GALNT10: variants seen among roughly 807,000 people sequenced by gnomAD.
GALNT10 encodes the protein polypeptide N-acetylgalactosaminyltransferase 10.
Under a neutral mutation model 75.0 loss-of-function variants are expected in GALNT10, and 41 were observed. That is an observed-to-expected ratio of 0.55 (90% CI 0.43 to 0.71). The LOEUF (loss-of-function observed/expected upper bound fraction) is 0.71, where lower values mean the gene tolerates loss of function less well. GALNT10 is among the 30% of genes least tolerant of loss of function. GALNT10 has a pLI of 0.00. For missense variants in GALNT10, 727 were observed against 818.5 expected, an observed-to-expected ratio of 0.89 and a Z score of 1.36; for synonymous variants, 302 against 313.0, an observed-to-expected ratio of 0.96 and a Z score of 0.37.
intron 1 of GALNT10, among the ~76,000 whole-genome samples, chr5:154,215,663 A>C (rs898310816): frequency 2.0e-5 from 3 of 152,212 alleles, no homozygotes; most frequent in African/African-American, 7.2e-5. Flanking sequence ...ATAGACAGCA[A>C]AAGAATACTG....
At chr5:154,312,328 G>A (rs1182654667) in intron 3 of GALNT10, among the ~76,000 whole-genome samples, 3 of 152,078 alleles carry the variant, frequency 2.0e-5, no homozygotes, top group Non-Finnish European at 4.4e-5. Flanking sequence ...CACCTTTCAG[G>A]GGAAGAAATC....
chr5:154,211,572 G>A (rs1019039388), intron 1 of GALNT10, among the ~76,000 whole-genome samples: 9 of 152,168 alleles, frequency 5.9e-5, no homozygotes, highest in Non-Finnish European at 1.0e-4. Context: ...ATAACAAAAT[G>A]TGGTAGCGTA....
At chr5:154,272,826 G>A (rs758008688) in intron 1 of GALNT10, among the ~76,000 whole-genome samples, 14 of 152,142 alleles carry the variant, frequency 9.2e-5, no homozygotes, top group Non-Finnish European at 1.6e-4. Flanking sequence ...AAAGAGGCTC[G>A]GAGTGCTCTG....
At chr5:154,221,824 A>C (rs1220559481) in intron 1 of GALNT10, among the ~76,000 whole-genome samples, 1 of 151,824 alleles carries the variant, frequency 6.6e-6, no homozygotes, top group Non-Finnish European at 1.5e-5. Flanking sequence ...CCTTCCTGCC[A>C]CTCTTTATGC....
chr5:154,401,604 T>C (rs1168685235), intron 7 of GALNT10, among the ~76,000 whole-genome samples: 2 of 152,216 alleles, frequency 1.3e-5, no homozygotes, highest in Non-Finnish European at 2.9e-5. Flanking sequence ...TTCTATTGAC[T>C]GGCTGGATTT....
intron 1 of GALNT10, among the ~76,000 whole-genome samples, chr5:154,261,281 A>C (rs996052571): frequency 6.6e-6 from 1 of 151,474 alleles, no homozygotes; most frequent in Non-Finnish European, 1.5e-5. Flanking sequence ...AAAAAACAGC[A>C]TTAGTTCAAC....
chr5:154,353,159 T>A (rs1313742135), intron 4 of GALNT10, among the ~76,000 whole-genome samples: 3 of 152,196 alleles, frequency 2.0e-5, no homozygotes, highest in Non-Finnish European at 4.4e-5. Context: ...TTTGTTTGTT[T>A]TGTTTTCTGA....
Position 154,353,291 on chromosome 5 carries a change from A to AC in GALNT10, c.569-22980dup, listed in dbSNP as rs61339740. 8.3e-3 allele frequency among the ~76,000 whole-genome samples: 1,260 copies of AC among 151,722 alleles called. 70 individuals are homozygous for AC. The East Asian group carries it at 0.15, about 18-fold the overall frequency. On this transcript the variant is annotated intron_variant, in intron 4 of 11. Transcript: ENST00000297107. ...AGCGAAAACAGATTGCAATGACACCACCCCCCGCAAAACGACCTTCTAAAT... is the reference window on the plus strand; with the variant it reads ...AGCGAAAACAGATTGCAATGACACCACCCCCCCGCAAAACGACCTTCTAAAT...
chr5:154,355,257 C>A (rs1350778255), intron 4 of GALNT10, among the ~76,000 whole-genome samples: 3 of 152,202 alleles, frequency 2.0e-5, no homozygotes, highest in African/African-American at 7.2e-5. Flanking sequence ...TCCCCCCTCA[C>A]CCTCTCTCAT....
chr5:154,225,299 A>G (rs1322595654), intron 1 of GALNT10, among the ~76,000 whole-genome samples: 4 of 150,286 alleles, frequency 2.7e-5, no homozygotes, highest in African/African-American at 9.9e-5. Context: ...TCACCCTGTT[A>G]GCCAGAATCG....
intron 1 of GALNT10, among the ~76,000 whole-genome samples, chr5:154,292,491 G>T (rs1216398363): frequency 1.3e-5 from 2 of 151,840 alleles, no homozygotes; most frequent in Non-Finnish European, 2.9e-5. Flanking sequence ...CAATCTGTGG[G>T]CAGCAGAAGA....
intron 4 of GALNT10, among the ~76,000 whole-genome samples, chr5:154,343,586 A>T (rs1012447480): frequency 6.6e-6 from 1 of 152,236 alleles, no homozygotes; most frequent in Non-Finnish European, 1.5e-5. Flanking sequence ...TTCACTAGGC[A>T]TGGAATAAAT....
chr5:154,265,745 A>T (rs1753766351), intron 1 of GALNT10, among the ~76,000 whole-genome samples: 1 of 152,198 alleles, frequency 6.6e-6, no homozygotes, highest in Non-Finnish European at 1.5e-5. Flanking sequence ...GGAAAGCGTG[A>T]CAGCTGGATG....
At chr5:154,330,228 A>C (rs891367970) in intron 4 of GALNT10, among the ~76,000 whole-genome samples, 9 of 152,230 alleles carry the variant, frequency 5.9e-5, no homozygotes, top group African/African-American at 2.2e-4. Flanking sequence ...CAAAGCCTTC[A>C]TCTGTCAAGG....
intron 1 of GALNT10, among the ~76,000 whole-genome samples, chr5:154,269,553 T>C (rs1753829640): frequency 6.6e-6 from 1 of 152,214 alleles, no homozygotes; most frequent in East Asian, 1.9e-4. Flanking sequence ...AGCCCTGACA[T>C]ATTTCAGAAA....
chr5:154,320,465 G>A lies in GALNT10; in HGVS notation c.402-9107G>A, dbSNP rs577082352. Among the ~76,000 whole-genome samples the A allele has an allele frequency of 2.0e-5, 3 of 152,182 alleles. No homozygotes were observed. The South Asian group carries it at 6.2e-4, about 32-fold the overall frequency. The stretch of plus-strand genomic sequence containing the variant: ...CGTGGACCCCAGGCAATTTATTATA[G>A]CTAACACCCCACCCCGCCCCCAACC... On this transcript the variant is annotated intron_variant, in intron 3 of 11. Transcript: ENST00000297107.
At chr5:154,202,580 G>A (rs1272816316) in intron 1 of GALNT10, among the ~76,000 whole-genome samples, 1 of 152,134 alleles carries the variant, frequency 6.6e-6, no homozygotes, top group Non-Finnish European at 1.5e-5. Context: ...ACAAGTGGTG[G>A]GACTCAAACT....
intron 3 of GALNT10, among the ~76,000 whole-genome samples, chr5:154,322,854 A>C (rs1238458327): frequency 6.6e-6 from 1 of 152,172 alleles, no homozygotes; most frequent in Non-Finnish European, 1.5e-5. Context: ...ACAAATCAAG[A>C]GATACGGAGA....
intron 1 of GALNT10, among the ~76,000 whole-genome samples, chr5:154,269,670 C>A (rs888417170): frequency 1.3e-5 from 2 of 152,240 alleles, no homozygotes; most frequent in African/African-American, 4.8e-5. Context: ...AGCAAGGTTG[C>A]CTCCAGGCCT....
Sources: allele counts gnomAD v4.1 joint callset (sites outside exome capture counted in the v4.1 genomes callset), GRCh38; gene constraint gnomAD v4.1.1; transcripts MANE v1.5; gene names NCBI Gene and HGNC (gene_info 2026-07-23, HGNC 2026-07-21).